TMEM245: variants seen among roughly 807,000 people sequenced by gnomAD.
TMEM245 encodes the protein transmembrane protein 245.
TMEM245 carries 69 observed loss-of-function variants against 101.2 expected under a neutral mutation model. The ratio of observed to expected loss-of-function variants is 0.68; its 90% CI spans 0.56 to 0.83. The LOEUF is 0.83. TMEM245 is among the 40% of genes least tolerant of loss of function. The pLI is 0.00. For missense variants in TMEM245, 1,075 were observed against 1,092.8 expected (o/e 0.98, Z 0.23); for synonymous variants, 537 against 449.8 (o/e 1.19, Z -2.45).
At chr9:109,070,762 A>G (rs1829307578) in intron 9 of TMEM245, among the ~76,000 whole-genome samples, 1 of 152,108 alleles carries the variant, frequency 6.6e-6, no homozygotes, top group African/African-American at 2.4e-5. Flanking sequence ...CTCCACCCCA[A>G]TCCACAGGCA....
intron 12 of TMEM245, among the ~76,000 whole-genome samples, chr9:109,056,428 C>T (rs891349549): frequency 2.3e-4 from 24 of 104,448 alleles, no homozygotes; most frequent in African/African-American, 9.4e-4. Flanking sequence ...AACCCCATAT[C>T]TACTAAAAAT....
intron 14 of TMEM245, chr9:109,046,363 A>G: frequency 2.0e-6 from 1 of 511,838 alleles, no homozygotes; most frequent in South Asian, 1.4e-5. Context: ...AGGAGACAAC[A>G]TGCTGCTGAA....
rs183346416 is a variant in TMEM245 at position 109,081,304 on chromosome 9, C to A, written c.1345-361G>T. 7.0e-3 allele frequency among the ~76,000 whole-genome samples: 1,058 copies of A among 152,194 alleles called. 8 individuals are homozygous for A. The highest frequency in any genetic ancestry group is 0.024 in the Middle Eastern group (7 of 294). On this transcript the variant is annotated intron_variant, in intron 7 of 17. Coordinates refer to ENST00000374586, the MANE Select transcript of TMEM245 (RefSeq NM_032012.4). ...TTAGCTGACCTAAAATCTTATGAAG[C>A]TGTATCATCAGTTTAACAAATACAC... is the stretch of plus-strand genomic sequence containing the variant.
At chr9:109,029,996 T>C (rs1351517522) in intron 17 of TMEM245, among the ~76,000 whole-genome samples, 1 of 152,180 alleles carries the variant, frequency 6.6e-6, no homozygotes, top group African/African-American at 2.4e-5. Flanking sequence ...GGCTCAAATA[T>C]GAATATAATT....
In TMEM245 at chr9:109,106,464, A is replaced by C. The variant is rs548940186; in HGVS notation, c.799+44T>G. 6.9e-4 allele frequency: 906 copies of C among 1,313,556 alleles called. 18 individuals are homozygous for C. The South Asian group carries it at 0.01, about 15-fold the overall frequency. 81.4% of individuals were successfully genotyped at this position (1,313,556 alleles called of 1,614,324 possible). A position where few individuals can be genotyped will look rare whatever the true frequency, so the allele number is the denominator to read the frequency against. On this transcript the variant is annotated intron_variant, in intron 3 of 17. Transcript: ENST00000374586. ...GCATTTTTTAAAAAGCTACTCTCCA[A>C]AATACTTCAAAGAGTAGTATTAATA...
chr9:109,106,203 A>G (rs1830416555), intron 3 of TMEM245, among the ~76,000 whole-genome samples: 1 of 152,090 alleles, frequency 6.6e-6, no homozygotes, highest in African/African-American at 2.4e-5. Flanking sequence ...CCAGCCTGGA[A>G]ACAGAGCAAG....
chr9:109,041,204 GAC>G (rs1828291880), intron 14 of TMEM245, among the ~76,000 whole-genome samples: 2 of 152,110 alleles, frequency 1.3e-5, no homozygotes, highest in African/African-American at 2.4e-5. Flanking sequence ...CCTAGTAACT[GAC>G]CTAGTGCACA....
intron 17 of TMEM245, among the ~76,000 whole-genome samples, chr9:109,030,672 C>G (rs771368637): frequency 3.5e-4 from 54 of 152,260 alleles, no homozygotes; most frequent in Non-Finnish European, 6.9e-4. Context: ...AAAAGGATAT[C>G]ATAGTGTCAC....
At chr9:109,032,359 CTTTTCCTTTTTTTTTTTTTTTTTTT>C (rs1827973263) in intron 17 of TMEM245, among the ~76,000 whole-genome samples, 1 of 54,714 alleles carries the variant, frequency 1.8e-5, no homozygotes, top group Non-Finnish European at 4.0e-5. Flanking sequence ...TGTCCTATTT[CTTTTCCTTTTTTTTTTTTTTTTTTT>C]TTTTTTTTTT....
At chr9:109,086,988 CTTAT>C (rs1325029203) in intron 6 of TMEM245, among the ~76,000 whole-genome samples, 181 bp downstream of exon 6, 3 of 152,138 alleles carry the variant, frequency 2.0e-5, no homozygotes, top group Non-Finnish European at 2.9e-5. Flanking sequence ...TTACACAAGC[CTTAT>C]TTAAAGTAAA....
At chr9:109,103,656 T>C (rs1375726817) in intron 3 of TMEM245, among the ~76,000 whole-genome samples, 1 of 152,198 alleles carries the variant, frequency 6.6e-6, no homozygotes, top group Non-Finnish European at 1.5e-5. Context: ...CCTCATGTTC[T>C]CACTTATTTG....
chr9:109,026,558 C>T (rs1040500670), intron 17 of TMEM245, among the ~76,000 whole-genome samples: 2 of 150,860 alleles, frequency 1.3e-5, no homozygotes, highest in African/African-American at 2.4e-5. Context: ...GGCTGCACCT[C>T]GGACAGCAAA....
At chr9:109,102,394 T>G (rs950252236) in intron 3 of TMEM245, among the ~76,000 whole-genome samples, 5 of 152,212 alleles carry the variant, frequency 3.3e-5, no homozygotes, top group Non-Finnish European at 7.3e-5. Flanking sequence ...ATATTACTCA[T>G]TTATCAAATA....
In TMEM245 at chr9:109,119,449, G is replaced by C; in HGVS notation, c.465C>G (p.Gly155=). ...RRRLLLLLGA[G]GPLLYGLYCL... Reference sequence around the variant, plus strand: ...AGTAGAGGCCGTACAGGAGCGGGCCGCCGGCGCCGAGCAGCAGGAGCAGGC... The same window carrying C: ...AGTAGAGGCCGTACAGGAGCGGGCCCCCGGCGCCGAGCAGCAGGAGCAGGC... The change falls in exon 1 of 18, where the codon GGC becomes GGG. Residue 155 remains glycine, a synonymous_variant. Transcript: ENST00000374586. 6.6e-7 allele frequency: 1 copy of C among 1,504,166 alleles called. No homozygotes were observed. Among genetic ancestry groups the C allele is most frequent in the Non-Finnish European group, 8.8e-7 (1 of 1,134,076 alleles). 93.2% of individuals were successfully genotyped at this position (1,504,166 alleles called of 1,614,324 possible). A position where few individuals can be genotyped will look rare whatever the true frequency, so the allele number is the denominator to read the frequency against.
intron 8 of TMEM245, among the ~76,000 whole-genome samples, chr9:109,075,856 T>C (rs554217974): frequency 6.2e-4 from 94 of 152,318 alleles, no homozygotes; most frequent in African/African-American, 2.2e-3. Context: ...GATTTGCACC[T>C]GATCCTTATT....
chr9:109,107,554 C>A (rs891094649), intron 2 of TMEM245, among the ~76,000 whole-genome samples: 15 of 152,110 alleles, frequency 9.9e-5, no homozygotes, highest in Non-Finnish European at 1.6e-4. Context: ...ATCTGACATA[C>A]GGGTTCTTGC....
chr9:109,066,885 G>A (rs113540043), intron 9 of TMEM245, among the ~76,000 whole-genome samples: 8,538 of 151,742 alleles, frequency 0.056, 820 homozygotes, highest in African/African-American at 0.2. Context: ...GTGAAACCCC[G>A]TCTCTACTAA....
At chr9:109,047,998 C>T (rs570283326) in intron 14 of TMEM245, among the ~76,000 whole-genome samples, 10 of 152,214 alleles carry the variant, frequency 6.6e-5, no homozygotes, top group Non-Finnish European at 1.5e-4. Context: ...GAATTTTCAT[C>T]ATTTCATTTA....
At chr9:109,041,829 T>C (rs1322111375) in intron 14 of TMEM245, among the ~76,000 whole-genome samples, 1 of 152,080 alleles carries the variant, frequency 6.6e-6, no homozygotes, top group Non-Finnish European at 1.5e-5. Context: ...ATATATAGCA[T>C]TCATTTTTAT....
Sources: gnomAD v4.1 joint callset for allele counts (sites outside exome capture counted in the v4.1 genomes callset) on GRCh38, gnomAD v4.1.1 for gene constraint, MANE v1.5 for transcripts, NCBI Gene and HGNC (gene_info 2026-07-23, HGNC 2026-07-21) for gene names.